The following LRP1B variants were observed in gnomAD, a reference collection of about 807,000 sequenced individuals.
The protein encoded by LRP1B is low-density lipoprotein receptor-related protein 1B.
Under a neutral mutation model 556.6 loss-of-function variants are expected in LRP1B, and 217 were observed. The observed-to-expected ratio is 0.39, with a 90% confidence interval of 0.35 to 0.44. LRP1B has a LOEUF of 0.44. Ranked by LOEUF, LRP1B falls within the 20% of genes least tolerant of loss-of-function variation. The probability of loss-of-function intolerance (pLI) is 1.00; values close to 1 mark genes in which losing one functional copy is unlikely to be tolerated. For missense variants in LRP1B, 5,053 were observed against 5,620.8 expected, an observed-to-expected ratio of 0.90 and a Z score of 3.23; for synonymous variants, 2,047 against 1,865.8, an observed-to-expected ratio of 1.10 and a Z score of -2.50.
At chr2:140,322,862 C>G (rs1330961459) in intron 81 of LRP1B, among the ~76,000 whole-genome samples, 1 of 151,786 alleles carries the variant, frequency 6.6e-6, no homozygotes, top group Non-Finnish European at 1.5e-5. Context: ...ATATTCAAGA[C>G]AGGGTTTTGT....
intron 43 of LRP1B, among the ~76,000 whole-genome samples, chr2:140,545,674 T>G (rs1680306086): frequency 6.6e-6 from 1 of 152,146 alleles, no homozygotes; most frequent in South Asian, 2.1e-4. Context: ...TCTTGCTGTT[T>G]GGTTACTGTA....
At chr2:141,248,870 T>C (rs533042420) in intron 4 of LRP1B, among the ~76,000 whole-genome samples, 2 of 152,330 alleles carry the variant, frequency 1.3e-5, no homozygotes, top group East Asian at 1.9e-4. Context: ...TTTGAAGTTA[T>C]ATTTTGAACT....
intron 7 of LRP1B, among the ~76,000 whole-genome samples, chr2:141,149,642 T>C (rs561203807): frequency 2.6e-4 from 39 of 152,188 alleles, no homozygotes; most frequent in Non-Finnish European, 5.4e-4. Flanking sequence ...TTCCCCAAAC[T>C]ACCAAGGAAG....
rs771980814 is a variant in LRP1B at position 140,323,932 on chromosome 2, T to C, written c.12475A>G (p.Lys4159Glu). ...EYLALNIDKTKGVLISHRYKQ... is the reference protein window; with the variant it reads ...EYLALNIDKTEGVLISHRYKQ... ...TAACGATGAGATATCAAAACACCTT[T>C]TGTTTTATCAATATTTAAAGCTAAG... is the stretch of plus-strand genomic sequence containing the variant. Residue 4159 changes from lysine (K) to glutamate (E), a missense_variant, in exon 81 of 91, where the codon AAA (lysine) becomes GAA (glutamate). Lys to Glu is a moderately conservative substitution (Grantham distance 56). This residue lies in a region of LRP1B where 551 missense variants were observed against 592.0 expected (regional missense o/e 0.93). Transcript: ENST00000389484. 19 of 1,582,234 alleles carry C rather than the reference T, an allele frequency of 1.2e-5. No homozygotes were observed. The highest frequency in any genetic ancestry group is 5.4e-5 in the African/African-American group (4 of 74,226).
intron 2 of LRP1B, among the ~76,000 whole-genome samples, chr2:141,695,141 T>G (rs1275156698): frequency 6.6e-6 from 1 of 151,996 alleles, no homozygotes; most frequent in Admixed American, 6.6e-5. Context: ...TTTCCCATAC[T>G]TATCTTTATT....
intron 1 of LRP1B, among the ~76,000 whole-genome samples, chr2:142,129,277 A>G (rs1278385843): frequency 6.6e-6 from 1 of 152,186 alleles, no homozygotes; most frequent in Non-Finnish European, 1.5e-5. Flanking sequence ...TTCAGAAGCT[A>G]TGGTTAGGTG....
At chr2:141,128,874 T>C (rs983908292) in intron 7 of LRP1B, among the ~76,000 whole-genome samples, 1 of 152,218 alleles carries the variant, frequency 6.6e-6, no homozygotes, top group African/African-American at 2.4e-5. Context: ...TCAACAGAAA[T>C]GCCTGTTATC....
intron 5 of LRP1B, among the ~76,000 whole-genome samples, chr2:141,240,993 G>T (rs987277191): frequency 1.3e-5 from 2 of 152,006 alleles, no homozygotes; most frequent in Non-Finnish European, 2.9e-5. Flanking sequence ...GTCAAAAACG[G>T]TGCTAGACTG....
intron 2 of LRP1B, among the ~76,000 whole-genome samples, chr2:141,624,221 A>C (rs938997009): frequency 8.6e-5 from 13 of 152,002 alleles, no homozygotes; most frequent in African/African-American, 2.9e-4. Context: ...ATTCACCCAA[A>C]CAAAATTTTT....
At chr2:140,834,823 C>G (rs1018836781) in intron 31 of LRP1B, among the ~76,000 whole-genome samples, 2 of 152,024 alleles carry the variant, frequency 1.3e-5, no homozygotes, top group Non-Finnish European at 2.9e-5. Context: ...TTAAAATTAC[C>G]TTTGATAAAG....
intron 2 of LRP1B, among the ~76,000 whole-genome samples, chr2:141,798,049 T>G (rs928790501): frequency 2.0e-5 from 3 of 152,178 alleles, no homozygotes; most frequent in African/African-American, 7.2e-5. Flanking sequence ...GAATGGGAAT[T>G]AGATATTATA....
At chr2:141,143,651 C>T (rs1048117523) in intron 7 of LRP1B, among the ~76,000 whole-genome samples, 3 of 152,002 alleles carry the variant, frequency 2.0e-5, no homozygotes, top group Non-Finnish European at 4.4e-5. Context: ...TGGTGCCATC[C>T]CATTGCCTTC....
rs540436105 is a variant in LRP1B at position 140,933,414 on chromosome 2, T to A, written c.3137-10267A>T. On this transcript the variant is annotated intron_variant, in intron 20 of 90. Transcript: ENST00000389484. ...TTTTTTAGGTTATTCATGTTTTTTG[T>A]CTCCATGTTGTTTATTTTTTGCTGA... Among the ~76,000 whole-genome samples, 355 of 152,232 alleles carry A rather than the reference T, an allele frequency of 2.3e-3. 1 individual carries two copies. The highest frequency in any genetic ancestry group is 4.2e-3 in the Non-Finnish European group (287 of 67,976).
intron 7 of LRP1B, among the ~76,000 whole-genome samples, chr2:141,159,103 G>T (rs1208766086): frequency 6.6e-6 from 1 of 152,100 alleles, no homozygotes; most frequent in African/African-American, 2.4e-5. Flanking sequence ...AAGACAAAAT[G>T]TATGAAGTTA....
At chr2:140,769,547 C>T (rs1689232987) in intron 34 of LRP1B, among the ~76,000 whole-genome samples, 1 of 151,890 alleles carries the variant, frequency 6.6e-6, no homozygotes, top group South Asian at 2.1e-4. Context: ...CTTGATTATG[C>T]ATATGATTTG....
At position 141,039,367 on chromosome 2, in the gene LRP1B, A is replaced by G. The variant is rs1395707000; in HGVS notation, c.1789+9619T>C. On this transcript the variant is annotated intron_variant, in intron 11 of 90. Transcript: ENST00000389484. The stretch of plus-strand genomic sequence containing the variant: ...TGTGAGTCTCTTACTATGCCCATTT[A>G]TAAATTAAATTTTATCACAGGTATG... Among the ~76,000 whole-genome samples, 5 of 152,070 alleles carry G rather than the reference A, an allele frequency of 3.3e-5. No homozygotes were observed. The East Asian group carries it at 9.7e-4, about 29-fold the overall frequency.
chr2:141,052,438 G>A (rs1449340222), intron 10 of LRP1B, among the ~76,000 whole-genome samples: 1 of 151,296 alleles, frequency 6.6e-6, no homozygotes, highest in Non-Finnish European at 1.5e-5. Context: ...TTCAATGGCA[G>A]CATAATATTT....
At chr2:140,706,535 A>G (rs187796451) in intron 37 of LRP1B, among the ~76,000 whole-genome samples, 1 of 152,318 alleles carries the variant, frequency 6.6e-6, no homozygotes, top group African/African-American at 2.4e-5. Context: ...GGCTTTCAGA[A>G]TTATAGAAAT....
chr2:142,024,001 C>G (rs1703426193), intron 1 of LRP1B, among the ~76,000 whole-genome samples: 1 of 152,074 alleles, frequency 6.6e-6, no homozygotes, highest in Non-Finnish European at 1.5e-5. Context: ...GTAGAATATG[C>G]CCACACAATT....
Sources: gnomAD v4.1 joint callset for allele counts (sites outside exome capture counted in the v4.1 genomes callset) on GRCh38, gnomAD v4.1.1 for gene constraint, gnomAD v4.1.1 regional missense constraint, MANE v1.5 for transcripts, NCBI Gene and HGNC (gene_info 2026-07-23, HGNC 2026-07-21) for gene names.